GMDS: variants seen among roughly 807,000 people sequenced by gnomAD.
The protein encoded by GMDS is GDP-mannose 4,6 dehydratase.
GMDS carries 20 observed loss-of-function variants against 49.9 expected under a neutral mutation model. The observed-to-expected ratio is 0.40, with a 90% confidence interval of 0.28 to 0.58. GMDS has a LOEUF of 0.58. GMDS is among the 20% of genes least tolerant of loss of function. GMDS has a pLI of 0.42. For synonymous variants in GMDS, 177 were observed against 178.6 expected (o/e 0.99, Z 0.07); for missense variants, 362 against 481.4 (o/e 0.75, Z 2.32).
chr6:1,645,487 C>A (rs759989923), intron 9 of GMDS, among the ~76,000 whole-genome samples: 1 of 152,218 alleles, frequency 6.6e-6, no homozygotes, highest in Non-Finnish European at 1.5e-5. Context: ...TGCCCGGGGA[C>A]GCTCACCCTG....
intron 1 of GMDS, among the ~76,000 whole-genome samples, chr6:2,131,818 T>C (rs1156926678): frequency 6.6e-6 from 1 of 151,564 alleles, no homozygotes; most frequent in African/African-American, 2.4e-5. Flanking sequence ...TTTTTTTTCT[T>C]AACGTAAGCT....
intron 7 of GMDS, among the ~76,000 whole-genome samples, chr6:1,767,668 T>C (rs1012556402): frequency 1.3e-5 from 2 of 152,190 alleles, no homozygotes; most frequent in Non-Finnish European, 2.9e-5. Flanking sequence ...CTCTGCAAAT[T>C]CTCTGGGGGT....
Position 2,051,251 on chromosome 6 carries a change from G to C in GMDS, c.345+64520C>G, listed in dbSNP as rs191722598. Among the ~76,000 whole-genome samples the C allele has an allele frequency of 2.3e-3, 347 of 152,294 alleles. 4 individuals are homozygous for C. Among genetic ancestry groups the C allele is most frequent in the African/African-American group, 7.6e-3 (315 of 41,554 alleles). On this transcript the variant is annotated intron_variant, in intron 4 of 10. Coordinates refer to ENST00000380815, the MANE Select transcript of GMDS (RefSeq NM_001500.4). ...CCGCCTGCCAGTGTCACCTATGTTG[G>C]CTTCAGGTCTCCTGTAAGAACCATA...
At chr6:2,033,928 T>A (rs1769124639) in intron 4 of GMDS, among the ~76,000 whole-genome samples, 1 of 152,182 alleles carries the variant, frequency 6.6e-6, no homozygotes, top group South Asian at 2.1e-4. Context: ...TGTGTACCAG[T>A]CCGGAGGCAT....
At chr6:1,902,228 A>T (rs939162983) in intron 7 of GMDS, among the ~76,000 whole-genome samples, 1 of 152,242 alleles carries the variant, frequency 6.6e-6, no homozygotes. Context: ...TTCTGGAGAC[A>T]CATTGTCCTA....
chr6:1,687,674 G>C (rs1272827487), intron 9 of GMDS, among the ~76,000 whole-genome samples: 1 of 152,144 alleles, frequency 6.6e-6, no homozygotes, highest in South Asian at 2.1e-4. Flanking sequence ...CAAAGAGGCA[G>C]GTGAAGAACG....
intron 7 of GMDS, among the ~76,000 whole-genome samples, chr6:1,793,861 T>A (rs1769638561): frequency 6.6e-6 from 1 of 152,176 alleles, no homozygotes; most frequent in African/African-American, 2.4e-5. Context: ...TTGACCAGCT[T>A]ATTGCCAAAA....
chr6:1,747,472 ACGCT>A (rs1346237023), intron 7 of GMDS, among the ~76,000 whole-genome samples: 4 of 5,134 alleles, frequency 7.8e-4, no homozygotes, highest in East Asian at 0.02. Flanking sequence ...ACACACACAC[ACGCT>A]CATGCGTGTG....
Position 1,946,231 on chromosome 6 carries a change from T to C in GMDS, c.643+13636A>G, listed in dbSNP as rs545467838. On this transcript the variant is annotated intron_variant, in intron 6 of 10. Transcript: ENST00000380815. ...CTAATGTAACTGGAAAAATACTCAC[T>C]GGGGCAATGAAATGTGATGGAAGGG... Among the ~76,000 whole-genome samples, 18 of 152,256 alleles carry C rather than the reference T, an allele frequency of 1.2e-4. 1 individual carries two copies. The South Asian group carries it at 3.5e-3, about 30-fold the overall frequency.
intron 7 of GMDS, among the ~76,000 whole-genome samples, chr6:1,786,330 C>T (rs538071817): frequency 5.0e-4 from 76 of 152,336 alleles, no homozygotes; most frequent in African/African-American, 1.7e-3. Context: ...TCTAGAGCCT[C>T]GGCTGAGGGA....
chr6:1,948,053 C>T (rs1285318037), intron 6 of GMDS, among the ~76,000 whole-genome samples: 1 of 152,114 alleles, frequency 6.6e-6, no homozygotes, highest in Admixed American at 6.5e-5. Flanking sequence ...ACTTCACTTC[C>T]ACGATTTCCT....
intron 7 of GMDS, among the ~76,000 whole-genome samples, chr6:1,775,030 A>G (rs1768739545): frequency 6.6e-6 from 1 of 152,202 alleles, no homozygotes; most frequent in African/African-American, 2.4e-5. Flanking sequence ...GTTAGAGACA[A>G]CAACTTAATA....
chr6:2,152,348 G>C (rs1187567644), intron 1 of GMDS, among the ~76,000 whole-genome samples: 1 of 152,058 alleles, frequency 6.6e-6, no homozygotes, highest in Non-Finnish European at 1.5e-5. Context: ...GAAAGAAAAA[G>C]AAGACTAAAA....
At chr6:2,201,310 A>T (rs569884288) in intron 1 of GMDS, among the ~76,000 whole-genome samples, 5 of 138,918 alleles carry the variant, frequency 3.6e-5, no homozygotes, top group East Asian at 2.2e-4. Flanking sequence ...ATCCGAGATG[A>T]AACCATCTAG....
At chr6:1,806,532 A>G (rs1770186271) in intron 7 of GMDS, among the ~76,000 whole-genome samples, 1 of 151,960 alleles carries the variant, frequency 6.6e-6, no homozygotes, top group Non-Finnish European at 1.5e-5. Flanking sequence ...GCTCTTTTGT[A>G]ACTGAACAAA....
chr6:1,974,739 G>A (rs1477769554), intron 4 of GMDS, among the ~76,000 whole-genome samples: 2 of 151,946 alleles, frequency 1.3e-5, no homozygotes, highest in African/African-American at 2.4e-5. Flanking sequence ...CCATAAAAAG[G>A]TAACCAATGG....
intron 7 of GMDS, among the ~76,000 whole-genome samples, chr6:1,762,485 G>C (rs1445899629): frequency 1.3e-5 from 2 of 152,234 alleles, no homozygotes; most frequent in African/African-American, 4.8e-5. Context: ...TTCAAGTCAA[G>C]TGTTGGCTTG....
intron 1 of GMDS, among the ~76,000 whole-genome samples, chr6:2,138,974 T>C (rs1315395575): frequency 6.6e-6 from 1 of 152,244 alleles, no homozygotes; most frequent in Non-Finnish European, 1.5e-5. Flanking sequence ...AACAGTAGTA[T>C]GCCTTCACTT....
intron 7 of GMDS, among the ~76,000 whole-genome samples, chr6:1,770,371 C>T (rs1002279534): frequency 3.3e-5 from 5 of 152,240 alleles, no homozygotes; most frequent in East Asian, 1.9e-4. Flanking sequence ...CTGAAGACCA[C>T]GCGTAAGGCA....
Sources: allele counts gnomAD v4.1 joint callset (sites outside exome capture counted in the v4.1 genomes callset), GRCh38; gene constraint gnomAD v4.1.1; transcripts MANE v1.5; gene names NCBI Gene and HGNC (gene_info 2026-07-23, HGNC 2026-07-21).